Variants in FRAS1 observed in about 807,000 individuals in gnomAD.
FRAS1 encodes the protein extracellular matrix organizing protein FRAS1.
In FRAS1, 290 loss-of-function variants were observed where a neutral mutation model predicts 435.2. The observed-to-expected ratio is 0.67, with a 90% CI of 0.61 to 0.73. The LOEUF is 0.73. Among genes scored for constraint, FRAS1 ranks in the 30% least tolerant of loss-of-function variants. FRAS1 has a pLI of 0.00. For missense variants in FRAS1, 4,860 were observed against 5,001.5 expected, an observed-to-expected ratio of 0.97 and a Z score of 0.85; for synonymous variants, 1,800 against 1,851.0, an observed-to-expected ratio of 0.97 and a Z score of 0.71.
intron 2 of FRAS1, among the ~76,000 whole-genome samples, chr4:78,116,178 C>T (rs1578133968): frequency 6.6e-6 from 1 of 152,124 alleles, no homozygotes; most frequent in Non-Finnish European, 1.5e-5. Flanking sequence ...AGTTTGATTG[C>T]CCTGTGGTCT....
At chr4:78,260,864 C>T (rs948833699) in intron 6 of FRAS1, among the ~76,000 whole-genome samples, 6 of 152,120 alleles carry the variant, frequency 3.9e-5, no homozygotes, top group African/African-American at 1.4e-4. Context: ...ATAATTCAAA[C>T]GTCTTTCAGA....
At chr4:78,499,616 C>T in intron 60 of FRAS1, 105 bp from the exon 61 acceptor site, 2 of 1,091,594 alleles carry the variant, frequency 1.8e-6, no homozygotes, top group South Asian at 3.3e-5. Flanking sequence ...ATACTGTTAA[C>T]TAATGTGAAC....
intron 30 of FRAS1, among the ~76,000 whole-genome samples, chr4:78,407,208 C>T (rs1231631667): frequency 1.3e-5 from 2 of 152,250 alleles, no homozygotes; most frequent in African/African-American, 4.8e-5. Flanking sequence ...GGACAGAATT[C>T]TCTCATGAAA....
chr4:78,325,788 G>C (rs1275072862), intron 18 of FRAS1, among the ~76,000 whole-genome samples: 1 of 152,338 alleles, frequency 6.6e-6, no homozygotes, highest in East Asian at 1.9e-4. Context: ...AAGTAGACGG[G>C]CTCTGTCTAG....
chr4:78,185,557 G>A (rs1459421075), intron 2 of FRAS1, among the ~76,000 whole-genome samples: 1 of 152,090 alleles, frequency 6.6e-6, no homozygotes, highest in Non-Finnish European at 1.5e-5. Context: ...ATCTAATAAA[G>A]TTATTTGCTT....
intron 2 of FRAS1, among the ~76,000 whole-genome samples, chr4:78,099,517 T>C (rs1193211328): frequency 2.0e-5 from 3 of 152,234 alleles, no homozygotes; most frequent in Non-Finnish European, 4.4e-5. Flanking sequence ...GATGTGTTTA[T>C]TGAATATATC....
chr4:78,475,526 A>T lies in FRAS1; in HGVS notation c.7771A>T (p.Thr2591Ser), dbSNP rs1420583128. The T allele has an allele frequency of 6.2e-7, 1 of 1,613,858 alleles. No homozygotes were observed. The highest frequency in any genetic ancestry group is 8.5e-7 in the Non-Finnish European group (1 of 1,179,796). ...CCAATATGCCATCGTCCTGTGTCGC[A>T]CCGAGCAAGGCACCGCCAGCTCCAG... ...LNQYAIVLCR[T>S]EQGTASSSSR... is the part of the protein sequence containing the mutation. The change falls in exon 54 of 74, where the codon ACC becomes TCC. Residue 2591 changes from threonine to serine, a missense_variant. Transcript: ENST00000512123.
intron 18 of FRAS1, among the ~76,000 whole-genome samples, chr4:78,329,023 T>C (rs1729828467): frequency 6.6e-6 from 1 of 152,188 alleles, no homozygotes; most frequent in Non-Finnish European, 1.5e-5. Context: ...ATGTCTGAAC[T>C]GCGAGTATGG....
intron 63 of FRAS1, among the ~76,000 whole-genome samples, chr4:78,509,475 C>CTTTTTTTTTTTTTTTTTTT (rs1560418759): frequency 6.6e-6 from 1 of 152,184 alleles, no homozygotes; most frequent in African/African-American, 2.4e-5. Context: ...TACCACATTT[C>CTTTTTTTTTTTTTTTTTTT]TGTAATGCAG....
At chr4:78,399,040 G>C (rs1405569141) in intron 29 of FRAS1, among the ~76,000 whole-genome samples, 1 of 152,072 alleles carries the variant, frequency 6.6e-6, no homozygotes, top group Non-Finnish European at 1.5e-5. Context: ...GGAGTTAATA[G>C]AGCCTTTTCC....
intron 2 of FRAS1, among the ~76,000 whole-genome samples, chr4:78,139,870 AT>A (rs1307956069): frequency 3.9e-5 from 6 of 152,330 alleles, no homozygotes; most frequent in Non-Finnish European, 8.8e-5. Context: ...GAGACTTGCT[AT>A]CTAGAGATAT....
chr4:78,192,943 A>C (rs1722615965), intron 2 of FRAS1, among the ~76,000 whole-genome samples: 1 of 152,166 alleles, frequency 6.6e-6, no homozygotes. Flanking sequence ...CACTGCTTTG[A>C]ATGTGTCCCA....
chr4:78,230,456 A>G (rs1724471009), intron 2 of FRAS1, among the ~76,000 whole-genome samples: 1 of 152,004 alleles, frequency 6.6e-6, no homozygotes, highest in Non-Finnish European at 1.5e-5. Context: ...GAGAACCAAT[A>G]GAAAAGGTAT....
At chr4:78,178,753 C>A (rs968687397) in intron 2 of FRAS1, among the ~76,000 whole-genome samples, 2 of 152,126 alleles carry the variant, frequency 1.3e-5, no homozygotes, top group African/African-American at 4.8e-5. Context: ...ATTACCTCTA[C>A]AAAGACCCTA....
At chr4:78,416,378 T>C (rs1484298400) in intron 32 of FRAS1, among the ~76,000 whole-genome samples, 1 of 151,954 alleles carries the variant, frequency 6.6e-6, no homozygotes, top group Non-Finnish European at 1.5e-5. Context: ...TAGAGATCCA[T>C]TGCACAACTG....
At chr4:78,216,635 C>T (rs1560585450) in intron 2 of FRAS1, among the ~76,000 whole-genome samples, 1 of 152,118 alleles carries the variant, frequency 6.6e-6, no homozygotes, top group African/African-American at 2.4e-5. Flanking sequence ...AGCAGTAAAC[C>T]GTTCTTACTT....
chr4:78,420,830 T>C (rs2110371026), intron 33 of FRAS1, among the ~76,000 whole-genome samples: 1 of 148,754 alleles, frequency 6.7e-6, no homozygotes, highest in African/African-American at 2.5e-5. Context: ...TATATGCATC[T>C]TACTATGTGT....
At chr4:78,283,447 T>C (rs2110182201) in intron 12 of FRAS1, among the ~76,000 whole-genome samples, 1 of 152,356 alleles carries the variant, frequency 6.6e-6, no homozygotes, top group Non-Finnish European at 1.5e-5. Context: ...TTCCAAAAGA[T>C]AATTTTGTCT....
At chr4:78,494,527 T>C (rs1244224615) in intron 59 of FRAS1, among the ~76,000 whole-genome samples, 1 of 152,112 alleles carries the variant, frequency 6.6e-6, no homozygotes, top group Non-Finnish European at 1.5e-5. Context: ...TTAACTACCT[T>C]ATCTCATGGG....
Sources: allele counts gnomAD v4.1 joint callset (sites outside exome capture counted in the v4.1 genomes callset), GRCh38; gene constraint gnomAD v4.1.1; transcripts MANE v1.5; gene names NCBI Gene and HGNC (gene_info 2026-07-23, HGNC 2026-07-21).